Variants in CSMD1 observed in about 807,000 individuals in gnomAD.
CSMD1 encodes CUB and Sushi multiple domains 1.
CSMD1 carries 213 observed loss-of-function variants against 417.5 expected under a neutral mutation model. That is an observed-to-expected ratio of 0.51 (90% confidence interval 0.46 to 0.57). The LOEUF is 0.57. CSMD1 is among the 20% of genes least tolerant of loss of function. CSMD1 has a pLI of 0.00. For missense variants in CSMD1, 6,923 were observed against 4,529.7 expected (o/e 1.53, Z -15.17); for synonymous variants, 2,862 against 1,736.8 (o/e 1.65, Z -16.11).
At chr8:3,554,757 C>T (rs765018109) in intron 10 of CSMD1, among the ~76,000 whole-genome samples, 2 of 151,998 alleles carry the variant, frequency 1.3e-5, no homozygotes, top group East Asian at 1.9e-4. Flanking sequence ...TACTTCAGAG[C>T]GGGGGAGGGA....
intron 1 of CSMD1, among the ~76,000 whole-genome samples, chr8:4,650,533 T>G (rs750005527): frequency 1.3e-5 from 2 of 152,136 alleles, no homozygotes; most frequent in African/African-American, 4.8e-5. Context: ...AGCTTGGTTT[T>G]GCGACGTGAT....
chr8:4,187,768 T>G (rs1274063520), intron 3 of CSMD1, among the ~76,000 whole-genome samples: 1 of 150,932 alleles, frequency 6.6e-6, no homozygotes, highest in Non-Finnish European at 1.5e-5. Flanking sequence ...TATATTTCAC[T>G]CTCACCATAT....
At chr8:3,225,939 C>T (rs943685352) in intron 27 of CSMD1, among the ~76,000 whole-genome samples, 1 of 152,162 alleles carries the variant, frequency 6.6e-6, no homozygotes, top group Non-Finnish European at 1.5e-5. Flanking sequence ...GAGATAAAAT[C>T]CACCTATTCT....
intron 1 of CSMD1, among the ~76,000 whole-genome samples, chr8:4,927,015 C>A (rs1360219119): frequency 6.6e-6 from 1 of 151,774 alleles, no homozygotes; most frequent in African/African-American, 2.4e-5. Context: ...CAGTAGACAT[C>A]CCGTATCTAA....
chr8:4,369,439 T>C (rs1802276130), intron 3 of CSMD1, among the ~76,000 whole-genome samples: 1 of 152,194 alleles, frequency 6.6e-6, no homozygotes, highest in Non-Finnish European at 1.5e-5. Flanking sequence ...TGGAGTGTTT[T>C]ATAGATGTCT....
At chr8:4,203,338 G>A (rs1799778041) in intron 3 of CSMD1, among the ~76,000 whole-genome samples, 1 of 152,090 alleles carries the variant, frequency 6.6e-6, no homozygotes, top group Non-Finnish European at 1.5e-5. Flanking sequence ...CCATCTGCAG[G>A]TTAGAAGCCA....
rs2554608 is a variant in CSMD1 at position 3,992,193 on chromosome 8, A to G, written c.818+5710T>C. Among the ~76,000 whole-genome samples, 1,145 of 150,574 alleles carry G rather than the reference A, an allele frequency of 7.6e-3. 25 individuals are homozygous for G. The East Asian group carries it at 0.081, about 11-fold the overall frequency. ...GTTAGATATATATAAATATATTTAC[A>G]TTCATATTTATTTCCCATTTATGCT... On this transcript the variant is annotated intron_variant, in intron 5 of 69. Coordinates refer to ENST00000635120, the MANE Select transcript of CSMD1 (RefSeq NM_033225.6).
chr8:4,983,870 G>A (rs562374497), intron 1 of CSMD1, among the ~76,000 whole-genome samples: 5 of 152,072 alleles, frequency 3.3e-5, no homozygotes, highest in Non-Finnish European at 5.9e-5. Context: ...TCAAAGATGG[G>A]TGGGCTTGAG....
At chr8:3,813,817 G>A (rs1035976005) in intron 5 of CSMD1, among the ~76,000 whole-genome samples, 22 of 152,044 alleles carry the variant, frequency 1.4e-4, no homozygotes, top group African/African-American at 4.3e-4. Flanking sequence ...AAAACTTAAA[G>A]TATGTCTTCT....
intron 7 of CSMD1, among the ~76,000 whole-genome samples, chr8:3,705,209 G>A (rs559096369): frequency 0.043 from 6,623 of 152,268 alleles, 215 homozygotes; most frequent in South Asian, 0.071. Context: ...CTGCACTGAA[G>A]GCAACAAGGG....
rs927375357 is a variant in CSMD1, at chr8:4,052,716, T to C, written c.416-20617A>G. On this transcript the variant is annotated intron_variant, in intron 3 of 69. Transcript: ENST00000635120. ...ATATATTTGCTATTAATGTTATAAA[T>C]ATTTAGCTCATCACCACATGATAAA... Among the ~76,000 whole-genome samples the C allele has an allele frequency of 2.6e-5, 4 of 152,200 alleles. No homozygotes were observed. The East Asian group carries it at 5.8e-4, about 22-fold the overall frequency.
intron 1 of CSMD1, among the ~76,000 whole-genome samples, chr8:4,835,781 G>C (rs1460978802): frequency 1.3e-5 from 2 of 151,496 alleles, no homozygotes; most frequent in Non-Finnish European, 2.9e-5. Context: ...GCAAAAGTGA[G>C]TAATTCTCAA....
At chr8:4,845,286 G>T (rs1253972290) in intron 1 of CSMD1, among the ~76,000 whole-genome samples, 1 of 152,102 alleles carries the variant, frequency 6.6e-6, no homozygotes, top group Non-Finnish European at 1.5e-5. Context: ...TTTCGATTTA[G>T]AAAACGAACA....
At chr8:3,417,144 G>A (rs1217282651) in intron 12 of CSMD1, among the ~76,000 whole-genome samples, 8 of 152,176 alleles carry the variant, frequency 5.3e-5, no homozygotes, top group African/African-American at 1.7e-4. Context: ...AAATATAGCA[G>A]GTTGCTGCAG....
At chr8:3,661,850 C>A (rs759518262) in intron 7 of CSMD1, among the ~76,000 whole-genome samples, 1 of 152,078 alleles carries the variant, frequency 6.6e-6, no homozygotes, top group African/African-American at 2.4e-5. Context: ...ACAAGCCACC[C>A]TTTAGATCGG....
At chr8:4,687,024 G>A (rs577468635) in intron 1 of CSMD1, among the ~76,000 whole-genome samples, 10 of 152,312 alleles carry the variant, frequency 6.6e-5, no homozygotes, top group South Asian at 2.1e-4. Flanking sequence ...ACCAGCCAGC[G>A]AACTCCATGC....
intron 8 of CSMD1, among the ~76,000 whole-genome samples, chr8:3,595,001 C>T (rs748759963): frequency 6.6e-6 from 1 of 152,174 alleles, no homozygotes; most frequent in Non-Finnish European, 1.5e-5. Flanking sequence ...AAACACAACC[C>T]GGCCTCTGTG....
At chr8:3,552,567 G>A (rs1798964026) in intron 10 of CSMD1, among the ~76,000 whole-genome samples, 1 of 152,092 alleles carries the variant, frequency 6.6e-6, no homozygotes, top group South Asian at 2.1e-4. Flanking sequence ...AAGGTGGGGG[G>A]CATTGTGGTT....
chr8:3,038,907 A>G (rs1254319835), intron 50 of CSMD1, among the ~76,000 whole-genome samples: 1 of 152,200 alleles, frequency 6.6e-6, no homozygotes, highest in African/African-American at 2.4e-5. Flanking sequence ...CATCATGGAG[A>G]CAAGCCATAA....
Sources: gnomAD v4.1 joint callset for allele counts (sites outside exome capture counted in the v4.1 genomes callset) on GRCh38, gnomAD v4.1.1 for gene constraint, MANE v1.5 for transcripts, NCBI Gene and HGNC (gene_info 2026-07-23, HGNC 2026-07-21) for gene names.